Variants in BMPR1A observed in about 807,000 individuals in gnomAD.
BMPR1A encodes bone morphogenetic protein receptor type-1A.
In BMPR1A, 7 loss-of-function variants were observed where a neutral mutation model predicts 66.0. The ratio of observed to expected loss-of-function variants is 0.11; its 90% CI spans 0.06 to 0.20. BMPR1A has a LOEUF of 0.20. Among genes scored for constraint, BMPR1A ranks in the 10% least tolerant of loss-of-function variants. The pLI, the probability that BMPR1A is intolerant of heterozygous loss-of-function variation, is 1.00. For missense variants in BMPR1A, 408 were observed against 669.1 expected (o/e 0.61, Z 4.31); for synonymous variants, 200 against 229.7 (o/e 0.87, Z 1.17).
At chr10:86,797,005 T>C (rs1165650525) in intron 1 of BMPR1A, among the ~76,000 whole-genome samples, 1 of 151,994 alleles carries the variant, frequency 6.6e-6, no homozygotes, top group Non-Finnish European at 1.5e-5. Context: ...GCTTTCTATA[T>C]TGTGGCTCCA....
intron 3 of BMPR1A, among the ~76,000 whole-genome samples, chr10:86,887,872 A>C (rs1398543948): frequency 6.6e-6 from 1 of 152,208 alleles, no homozygotes; most frequent in Admixed American, 6.5e-5. Flanking sequence ...GGCTTGCCCA[A>C]GACCATCCAG....
intron 1 of BMPR1A, among the ~76,000 whole-genome samples, chr10:86,833,311 A>G (rs985325448): frequency 2.0e-5 from 3 of 152,182 alleles, no homozygotes; most frequent in African/African-American, 7.2e-5. Context: ...CAGGGTGTTT[A>G]TAATCTTTTC....
intron 1 of BMPR1A, among the ~76,000 whole-genome samples, chr10:86,768,246 C>G (rs12766418): frequency 6.6e-6 from 1 of 151,940 alleles, no homozygotes; most frequent in African/African-American, 2.4e-5. Context: ...TAACGTTTTT[C>G]TAAGAATAAA....
intron 2 of BMPR1A, among the ~76,000 whole-genome samples, chr10:86,871,081 G>C (rs1371339691): frequency 2.0e-5 from 3 of 152,050 alleles, no homozygotes; most frequent in African/African-American, 4.8e-5. Flanking sequence ...TCTCCCTCAA[G>C]ATCTTTGCCC....
intron 1 of BMPR1A, among the ~76,000 whole-genome samples, chr10:86,762,387 C>T (rs1841076914): frequency 6.6e-6 from 1 of 152,184 alleles, no homozygotes; most frequent in Middle Eastern, 3.2e-3. Context: ...GAGACGGAGT[C>T]TTGCTATGTT....
Position 86,906,458 on chromosome 10 carries a change from G to A in BMPR1A, c.531-5782G>A, listed in dbSNP as rs1209358453. Among the ~76,000 whole-genome samples, 9 of 39,864 alleles carry A rather than the reference G, an allele frequency of 2.3e-4. 3 individuals carry two copies. Among genetic ancestry groups the A allele is most frequent in the Non-Finnish European group, 2.7e-4 (7 of 26,176 alleles). The allele number at this position is 39,864 out of a possible 152,430, so 26.2% of individuals were successfully genotyped here. ...CTTTTGGCTGGGCGCGGTGGCTCAC[G>A]CCTGTAATCCCAGCACTTTGGGAGG... On this transcript the variant is annotated intron_variant, in intron 7 of 12. Transcript: ENST00000372037.
At chr10:86,833,996 G>A (rs1302459548) in intron 1 of BMPR1A, among the ~76,000 whole-genome samples, 1 of 152,168 alleles carries the variant, frequency 6.6e-6, no homozygotes, top group African/African-American at 2.4e-5. Context: ...TTGTCCTCAT[G>A]GTCCAGTTCT....
intron 1 of BMPR1A, among the ~76,000 whole-genome samples, chr10:86,815,474 C>T (rs1253124918): frequency 6.6e-6 from 1 of 152,092 alleles, no homozygotes; most frequent in Non-Finnish European, 1.5e-5. Flanking sequence ...CGCTATAGGC[C>T]CTTTGCACCA....
intron 1 of BMPR1A, among the ~76,000 whole-genome samples, chr10:86,784,739 TTGTG>T (rs965694456): frequency 2.6e-5 from 4 of 152,108 alleles, no homozygotes; most frequent in African/African-American, 7.2e-5. Context: ...TCCTGGCAGG[TTGTG>T]TGTTTCTAAT....
chr10:86,788,504 A>C (rs1368252519), intron 1 of BMPR1A, among the ~76,000 whole-genome samples: 1 of 152,242 alleles, frequency 6.6e-6, no homozygotes, highest in Non-Finnish European at 1.5e-5. Context: ...CTAGAGGTGC[A>C]CAAGCACATG....
intron 1 of BMPR1A, among the ~76,000 whole-genome samples, chr10:86,837,665 G>A (rs1022059969): frequency 6.6e-6 from 1 of 152,172 alleles, no homozygotes; most frequent in Non-Finnish European, 1.5e-5. Flanking sequence ...TTCTCTGAGC[G>A]ACAGCCTGAG....
intron 1 of BMPR1A, among the ~76,000 whole-genome samples, chr10:86,771,955 G>A (rs1841270092): frequency 6.6e-6 from 1 of 151,572 alleles, no homozygotes; most frequent in Non-Finnish European, 1.5e-5. Flanking sequence ...TTACTTTACT[G>A]ATTTTGTTTT....
At chr10:86,761,368 G>T (rs931404759) in intron 1 of BMPR1A, among the ~76,000 whole-genome samples, 1 of 152,222 alleles carries the variant, frequency 6.6e-6, no homozygotes, top group Non-Finnish European at 1.5e-5. Context: ...TGGAACAGTG[G>T]AGCTTGGCTC....
At chr10:86,763,689 A>G (rs942811725) in intron 1 of BMPR1A, among the ~76,000 whole-genome samples, 2 of 151,208 alleles carry the variant, frequency 1.3e-5, no homozygotes, top group Non-Finnish European at 2.9e-5. Context: ...TTTTTTGAGC[A>G]TTAATTTTTT....
intron 2 of BMPR1A, among the ~76,000 whole-genome samples, chr10:86,875,276 G>T (rs992171616): frequency 1.3e-5 from 2 of 151,104 alleles, no homozygotes; most frequent in Non-Finnish European, 3.0e-5. Flanking sequence ...AGAAGGCTGA[G>T]GCAGGAGAAT....
At chr10:86,849,820 C>T (rs76964163) in intron 2 of BMPR1A, among the ~76,000 whole-genome samples, 1,710 of 152,328 alleles carry the variant, frequency 0.011, 30 homozygotes, top group African/African-American at 0.039. Flanking sequence ...AGTAGACACT[C>T]AGTAAATATT....
At chr10:86,786,736 A>T (rs1589715363) in intron 1 of BMPR1A, among the ~76,000 whole-genome samples, 1 of 152,362 alleles carries the variant, frequency 6.6e-6, no homozygotes, top group East Asian at 1.9e-4. Context: ...CTTCTTTGAA[A>T]TGCAGACTTA....
intron 2 of BMPR1A, among the ~76,000 whole-genome samples, chr10:86,844,980 T>C (rs1242415636): frequency 1.3e-5 from 2 of 152,180 alleles, no homozygotes; most frequent in African/African-American, 4.8e-5. Flanking sequence ...TTCGCCATGT[T>C]GGCCAGGCTG....
chr10:86,919,648 A>G (rs952315307), intron 10 of BMPR1A, among the ~76,000 whole-genome samples, 179 bp downstream of exon 10: 5 of 151,646 alleles, frequency 3.3e-5, no homozygotes, highest in East Asian at 1.9e-4. Flanking sequence ...CTTCTCCTAT[A>G]CATAATTCTT....
Sources: allele counts gnomAD v4.1 joint callset (sites outside exome capture counted in the v4.1 genomes callset), GRCh38; gene constraint gnomAD v4.1.1; transcripts MANE v1.5; gene names NCBI Gene and HGNC (gene_info 2026-07-23, HGNC 2026-07-21).